Variants in KCNQ5 observed in about 807,000 individuals in gnomAD.
KCNQ5 encodes the protein potassium voltage-gated channel subfamily Q member 5, also known as potassium voltage-gated channel subfamily KQT member 5.
Under a neutral mutation model 98.2 loss-of-function variants are expected in KCNQ5, and 30 were observed. That is an observed-to-expected ratio of 0.31 (90% CI 0.23 to 0.41). The LOEUF (loss-of-function observed/expected upper bound fraction) is 0.41. Among genes scored for constraint, KCNQ5 ranks in the 10% least tolerant of loss-of-function variants. The pLI, the probability that KCNQ5 is intolerant of heterozygous loss-of-function variation, is 1.00. For synonymous variants in KCNQ5, 458 were observed against 449.4 expected (o/e 1.02, Z -0.24); for missense variants, 835 against 1,182.5 (o/e 0.71, Z 4.31).
chr6:73,004,060 T>C (rs1005076261), intron 2 of KCNQ5, 62 bp downstream of exon 2: 2 of 894,634 alleles, frequency 2.2e-6, no homozygotes, highest in African/African-American at 1.7e-5. Context: ...ATAACATTTA[T>C]ACTATGCATC....
chr6:73,012,379 G>A (rs1410491993), intron 2 of KCNQ5, among the ~76,000 whole-genome samples: 1 of 152,084 alleles, frequency 6.6e-6, no homozygotes, highest in Non-Finnish European at 1.5e-5. Context: ...GAAAAATAAT[G>A]TATGATTCCA....
chr6:72,724,879 A>G (rs1770176324), intron 1 of KCNQ5, among the ~76,000 whole-genome samples: 1 of 152,202 alleles, frequency 6.6e-6, no homozygotes, highest in Non-Finnish European at 1.5e-5. Context: ...TAGAAAATAT[A>G]TTGTTTAACT....
intron 1 of KCNQ5, among the ~76,000 whole-genome samples, chr6:72,753,198 T>C (rs1432673893): frequency 6.6e-6 from 1 of 152,144 alleles, no homozygotes; most frequent in Non-Finnish European, 1.5e-5. Context: ...ACAGGAATCA[T>C]ACAGTATGTA....
At chr6:73,085,649 A>T (rs919231766) in intron 5 of KCNQ5, among the ~76,000 whole-genome samples, 1 of 152,132 alleles carries the variant, frequency 6.6e-6, no homozygotes, top group African/African-American at 2.4e-5. Flanking sequence ...CTGTTCTCAG[A>T]TTTCACAACC....
chr6:73,195,498 T>C lies in KCNQ5; in HGVS notation c.*84T>C, dbSNP rs1765761502. 3.3e-6 allele frequency: 5 copies of C among 1,494,324 alleles called. No homozygotes were observed. The highest frequency in any genetic ancestry group is 2.3e-5 in the East Asian group (1 of 43,970). The allele number at this position is 1,494,324 out of a possible 1,614,324, so 92.6% of individuals were successfully genotyped here. A position where few individuals can be genotyped will look rare whatever the true frequency, so the allele number is the denominator to read the frequency against. ...CTATTTCGAAAGCCCTTCTAAAAAG[T>C]TGAAATTGCAAGAATCGGGAAGAAC... On this transcript the variant is annotated 3_prime_UTR_variant, in exon 14 of 14. Transcript: ENST00000370398.
chr6:72,690,147 C>T (rs1375318655), intron 1 of KCNQ5, among the ~76,000 whole-genome samples: 1 of 152,034 alleles, frequency 6.6e-6, no homozygotes, highest in Non-Finnish European at 1.5e-5. Context: ...ATGGCGGATG[C>T]TCTAGTCCTA....
chr6:72,942,416 G>A (rs183390767), intron 1 of KCNQ5, among the ~76,000 whole-genome samples: 28 of 152,188 alleles, frequency 1.8e-4, no homozygotes, highest in South Asian at 4.1e-4. Flanking sequence ...AAATTGAGAC[G>A]TGGAATCATT....
At chr6:72,828,007 C>G (rs963994784) in intron 1 of KCNQ5, among the ~76,000 whole-genome samples, 2 of 151,872 alleles carry the variant, frequency 1.3e-5, no homozygotes, top group African/African-American at 4.8e-5. Flanking sequence ...AATGAGTGTT[C>G]TAGGAACCTT....
chr6:72,847,677 T>C (rs2150139105), intron 1 of KCNQ5, among the ~76,000 whole-genome samples: 1 of 152,228 alleles, frequency 6.6e-6, no homozygotes, highest in East Asian at 1.9e-4. Context: ...TGTATTTCAA[T>C]GCTTGCTGTC....
intron 1 of KCNQ5, among the ~76,000 whole-genome samples, chr6:72,902,006 A>G (rs544263368): frequency 2.4e-4 from 37 of 152,130 alleles, no homozygotes; most frequent in Non-Finnish European, 4.7e-4. Flanking sequence ...ATTTGTGTGT[A>G]TCATCTATGA....
chr6:72,957,230 G>T (rs1002795043), intron 1 of KCNQ5, among the ~76,000 whole-genome samples: 2 of 150,648 alleles, frequency 1.3e-5, no homozygotes, highest in Admixed American at 6.6e-5. Context: ...GAGTGCAGTG[G>T]CACAATCTCA....
chr6:73,022,145 C>A (rs1179506262), intron 2 of KCNQ5, among the ~76,000 whole-genome samples: 3 of 152,004 alleles, frequency 2.0e-5, no homozygotes, highest in Non-Finnish European at 4.4e-5. Flanking sequence ...TAATTAAAAA[C>A]TAATTTAGTA....
intron 1 of KCNQ5, among the ~76,000 whole-genome samples, chr6:72,866,510 C>T (rs983463202): frequency 1.1e-4 from 16 of 152,110 alleles, no homozygotes; most frequent in Admixed American, 2.6e-4. Context: ...TCACCTCCAC[C>T]TCCCAAAGTA....
intron 1 of KCNQ5, among the ~76,000 whole-genome samples, chr6:72,948,749 A>C (rs1766661909): frequency 6.6e-6 from 1 of 152,180 alleles, no homozygotes; most frequent in African/African-American, 2.4e-5. Context: ...ATAGATTAAT[A>C]AAGGAAAGCC....
At chr6:72,895,434 A>C (rs1214804960) in intron 1 of KCNQ5, among the ~76,000 whole-genome samples, 1 of 151,924 alleles carries the variant, frequency 6.6e-6, no homozygotes, top group Admixed American at 6.6e-5. Context: ...CAATTCAAAA[A>C]CATGCCATGG....
At chr6:72,746,900 C>T (rs1446334115) in intron 1 of KCNQ5, among the ~76,000 whole-genome samples, 1 of 152,060 alleles carries the variant, frequency 6.6e-6, no homozygotes, top group African/African-American at 2.4e-5. Context: ...AATAATGACG[C>T]TCTTTGATTC....
At chr6:72,836,038 C>T (rs1370337642) in intron 1 of KCNQ5, among the ~76,000 whole-genome samples, 1 of 152,078 alleles carries the variant, frequency 6.6e-6, no homozygotes, top group Non-Finnish European at 1.5e-5. Flanking sequence ...TTATTGAGAC[C>T]CAGTTGTTAA....
At chr6:72,687,438 AAG>A (rs1226200990) in intron 1 of KCNQ5, among the ~76,000 whole-genome samples, 1 of 152,206 alleles carries the variant, frequency 6.6e-6, no homozygotes, top group Non-Finnish European at 1.5e-5. Context: ...AAGAGAGACA[AAG>A]AGAACCGTAG....
intron 2 of KCNQ5, among the ~76,000 whole-genome samples, chr6:73,038,625 AT>A (rs368290079): frequency 0.02 from 3,033 of 151,034 alleles, 100 homozygotes; most frequent in African/African-American, 0.068. Context: ...AATTTATATG[AT>A]TTTTTTTTAG....
Sources: gnomAD v4.1 joint callset for allele counts (sites outside exome capture counted in the v4.1 genomes callset) on GRCh38, gnomAD v4.1.1 for gene constraint, MANE v1.5 for transcripts, NCBI Gene and HGNC (gene_info 2026-07-23, HGNC 2026-07-21) for gene names.